Variants in CDC42BPA observed in about 807,000 individuals in gnomAD.
The protein encoded by CDC42BPA is serine/threonine-protein kinase MRCK alpha.
A neutral mutation model predicts 223.5 loss-of-function variants in CDC42BPA; 80 were observed. The ratio of observed to expected loss-of-function variants is 0.36; its 90% CI spans 0.30 to 0.43. The LOEUF (loss-of-function observed/expected upper bound fraction) is 0.43. Ranked by LOEUF, CDC42BPA falls within the 20% of genes least tolerant of loss-of-function variation. The pLI, the probability that CDC42BPA is intolerant of heterozygous loss-of-function variation, is 1.00. For synonymous variants in CDC42BPA, 694 were observed against 718.6 expected (o/e 0.97, Z 0.55); for missense variants, 1,743 against 2,099.9 (o/e 0.83, Z 3.32).
chr1:227,134,524 C>A (rs546236088), intron 10 of CDC42BPA, among the ~76,000 whole-genome samples: 1 of 152,136 alleles, frequency 6.6e-6, no homozygotes, highest in Non-Finnish European at 1.5e-5. Flanking sequence ...CAGTGGATGA[C>A]CCTACTTTGT....
chr1:227,237,146 T>C (rs775879023), intron 2 of CDC42BPA, among the ~76,000 whole-genome samples: 27 of 152,098 alleles, frequency 1.8e-4, no homozygotes, highest in Non-Finnish European at 3.5e-4. Flanking sequence ...TAAAATGACT[T>C]GGGCAATGGT....
intron 12 of CDC42BPA, among the ~76,000 whole-genome samples, chr1:227,115,059 C>A (rs1687555635): frequency 6.6e-6 from 1 of 151,934 alleles, no homozygotes; most frequent in South Asian, 2.1e-4. Context: ...GACTGCTGCA[C>A]AAGAATGTAA....
Position 227,071,719 on chromosome 1 carries a change from C to CT in CDC42BPA, c.2827+488_2827+489insA, listed in dbSNP as rs1041364712. Among the ~76,000 whole-genome samples, 5 of 51,080 alleles carry CT rather than the reference C, an allele frequency of 9.8e-5. 1 individual carries two copies. The highest frequency in any genetic ancestry group is 1.9e-4 in the Non-Finnish European group (5 of 26,888). 33.5% of individuals were successfully genotyped at this position (51,080 alleles called of 152,430 possible). A position where few individuals can be genotyped will look rare whatever the true frequency, so the allele number is the denominator to read the frequency against. On this transcript the variant is annotated intron_variant, in intron 20 of 36. Transcript: ENST00000366766. ...CTACCCTGAAAGTGAATCCCACCCC[C>CT]CCCCCCCCAATTTTTATACATTCTA...
At chr1:227,046,486 T>C (rs1394996513) in intron 23 of CDC42BPA, among the ~76,000 whole-genome samples, 2 of 152,172 alleles carry the variant, frequency 1.3e-5, no homozygotes, top group African/African-American at 2.4e-5. Context: ...TTGCACTTCT[T>C]TCTCTCACCA....
Position 227,200,368 on chromosome 1 carries a change from T to C in CDC42BPA, c.355-716A>G, listed in dbSNP as rs146818913. Among the ~76,000 whole-genome samples the C allele has an allele frequency of 2.7e-3, 404 of 150,772 alleles. 3 individuals are homozygous for C. The highest frequency in any genetic ancestry group is 9.4e-3 in the African/African-American group (384 of 41,020). On this transcript the variant is annotated intron_variant, in intron 3 of 36. Coordinates refer to ENST00000366766, the MANE Select transcript of CDC42BPA (RefSeq NM_001394014.1). ...ATTGCTTGAACCCAGGAGGCACAGG[T>C]TGCAGTGGGCCAAGATCGCACCACT...
intron 1 of CDC42BPA, among the ~76,000 whole-genome samples, chr1:227,301,548 C>T (rs1333065421): frequency 6.6e-6 from 1 of 152,052 alleles, no homozygotes; most frequent in South Asian, 2.1e-4. Context: ...TTAGTACAGA[C>T]AGGGTTTCAC....
Position 227,265,559 on chromosome 1 carries a change from G to A in CDC42BPA, c.179-11404C>T, listed in dbSNP as rs562553414. Among the ~76,000 whole-genome samples, 5 of 151,724 alleles carry A rather than the reference G, an allele frequency of 3.3e-5. No homozygotes were observed. In the South Asian group the frequency reaches 1.0e-3, roughly 32 times the overall value. The stretch of plus-strand genomic sequence containing the variant: ...CAGGAGTATCGCTTGAATCCGGGAG[G>A]TGGAGGTTGCAGTGACCCAAGATCA... On this transcript the variant is annotated intron_variant, in intron 1 of 36. Coordinates refer to ENST00000366766, the MANE Select transcript of CDC42BPA (RefSeq NM_001394014.1).
intron 15 of CDC42BPA, among the ~76,000 whole-genome samples, chr1:227,097,719 C>A (rs1195536316): frequency 6.6e-6 from 1 of 152,138 alleles, no homozygotes; most frequent in Non-Finnish European, 1.5e-5. Context: ...ATATGACCTT[C>A]TTCTAGGAGC....
Position 227,064,217 on chromosome 1 carries a change from G to A in CDC42BPA, c.2904+5560C>T, listed in dbSNP as rs114687248. On this transcript the variant is annotated intron_variant, in intron 21 of 36. Coordinates refer to ENST00000366766, the MANE Select transcript of CDC42BPA (RefSeq NM_001394014.1). ...AGAAAACTCTGAAAAACCAAGTTGA[G>A]TACATTCTCATTTTCCAGGCAAATG... 6.0e-3 allele frequency among the ~76,000 whole-genome samples: 909 copies of A among 152,244 alleles called. 10 individuals are homozygous for A. Among genetic ancestry groups the A allele is most frequent in the African/African-American group, 0.021 (857 of 41,536 alleles).
intron 1 of CDC42BPA, among the ~76,000 whole-genome samples, chr1:227,260,231 T>G (rs1239453312): frequency 6.6e-6 from 1 of 150,912 alleles, no homozygotes; most frequent in East Asian, 1.9e-4. Flanking sequence ...AGTGAAATAA[T>G]TCTAAGTTAA....
At chr1:227,080,318 A>G (rs1249495011) in intron 17 of CDC42BPA, among the ~76,000 whole-genome samples, 1 of 152,170 alleles carries the variant, frequency 6.6e-6, no homozygotes, top group Non-Finnish European at 1.5e-5. Flanking sequence ...TTTTACCAGC[A>G]CCAGAATAAT....
rs1661237284 is a variant in CDC42BPA, at chr1:226,994,686, C to T, written c.5133+137G>A. On this transcript the variant is annotated intron_variant, in intron 36 of 36. Transcript: ENST00000366766. The surrounding 1 kb of genome is among the most constrained non-coding windows in gnomAD (Gnocchi z 4.0). ...CAGCCCGAGTGACTGGCCTAGCTGC[C>T]CGCTGGCCAAGAGTGAATGCTGGCC... 5 of 925,206 alleles carry T rather than the reference C, an allele frequency of 5.4e-6. No homozygotes were observed. In the East Asian group the frequency reaches 9.9e-5, roughly 18 times the overall value. The allele number at this position is 925,206 out of a possible 1,614,324, so 57.3% of individuals were successfully genotyped here.
At chr1:227,234,069 A>G (rs982875289) in intron 2 of CDC42BPA, among the ~76,000 whole-genome samples, 1 of 152,178 alleles carries the variant, frequency 6.6e-6, no homozygotes, top group Non-Finnish European at 1.5e-5. Flanking sequence ...TTCAAGTGGC[A>G]ACAGTGGTGG....
intron 5 of CDC42BPA, among the ~76,000 whole-genome samples, chr1:227,168,495 G>GTATTTTTTTTTTTTTTTTT (rs1558662713): frequency 1.3e-4 from 2 of 15,732 alleles, no homozygotes; most frequent in Admixed American, 3.8e-4. Context: ...ATCTTCCCTG[G>GTATTTTTTTTTTTTTTTTT]TGTTTTTTTT....
intron 12 of CDC42BPA, among the ~76,000 whole-genome samples, chr1:227,118,041 A>T (rs1399350835): frequency 6.6e-6 from 1 of 152,218 alleles, no homozygotes; most frequent in Non-Finnish European, 1.5e-5. Context: ...TAATTAGAGA[A>T]ATGCAAATTA....
At chr1:227,283,066 A>T (rs1207703439) in intron 1 of CDC42BPA, among the ~76,000 whole-genome samples, 1 of 152,170 alleles carries the variant, frequency 6.6e-6, no homozygotes, top group Non-Finnish European at 1.5e-5. Context: ...CTTTAAATTG[A>T]GAAAATTCTA....
intron 1 of CDC42BPA, among the ~76,000 whole-genome samples, chr1:227,284,242 C>T (rs1194147438): frequency 1.3e-5 from 2 of 152,078 alleles, no homozygotes; most frequent in East Asian, 3.9e-4. Flanking sequence ...ATTTGCATTT[C>T]CTAAAAAGTA....
intron 12 of CDC42BPA, among the ~76,000 whole-genome samples, chr1:227,117,739 T>TG (rs1035324198): frequency 6.6e-6 from 1 of 152,080 alleles, no homozygotes; most frequent in Non-Finnish European, 1.5e-5. Context: ...TCTCAGATTT[T>TG]TTATACAAGA....
At chr1:227,058,185 G>C (rs1246579263) in intron 21 of CDC42BPA, among the ~76,000 whole-genome samples, 1 of 152,138 alleles carries the variant, frequency 6.6e-6, no homozygotes, top group African/African-American at 2.4e-5. Context: ...TAATTAATGA[G>C]ATATCACTTG....
Sources: allele counts gnomAD v4.1 joint callset (sites outside exome capture counted in the v4.1 genomes callset), GRCh38; gene constraint gnomAD v4.1.1; non-coding constraint Gnocchi (gnomAD v3.1); transcripts MANE v1.5; gene names NCBI Gene and HGNC (gene_info 2026-07-23, HGNC 2026-07-21).